WDR64: variants seen among roughly 807,000 people sequenced by gnomAD.
The protein encoded by WDR64 is WD repeat-containing protein 64.
A neutral mutation model predicts 139.3 loss-of-function variants in WDR64; 112 were observed. That is an observed-to-expected ratio of 0.80 (90% CI 0.69 to 0.94). The LOEUF (loss-of-function observed/expected upper bound fraction) is 0.94, where lower values mean the gene tolerates loss of function less well. Among genes scored for constraint, WDR64 ranks in the 40% least tolerant of loss-of-function variants. The probability of loss-of-function intolerance (pLI) is 0.00; values close to 1 mark genes in which losing one functional copy is unlikely to be tolerated. For missense variants in WDR64, 1,206 were observed against 1,293.1 expected (o/e 0.93, Z 1.03); for synonymous variants, 444 against 437.7 (o/e 1.01, Z -0.18).
chr1:241,796,357 T>C lies in WDR64; in HGVS notation c.3179T>C (p.Val1060Ala). The C allele has an allele frequency of 6.2e-7, 1 of 1,612,430 alleles. No individual in the cohort carries two copies. Among genetic ancestry groups the C allele is most frequent in the South Asian group, 1.1e-5 (1 of 90,882 alleles). ...ACAGGAAAGAAGAAGGGAGGTCATG[T>C]TCAACGTGAAAAAGTAAGTTAGTAC... ...GITGKKKGGHVQREKAPRRRS... is the reference protein window; with the variant it reads ...GITGKKKGGHAQREKAPRRRS... Residue 1060 changes from valine to alanine, a missense_variant, in exon 27 of 28, where the codon GTT becomes GCT. Physicochemically the swap from Val to Ala is moderately conservative, Grantham distance 64. Transcript: ENST00000437684.
At chr1:241,723,569 T>C (rs1471379393) in intron 10 of WDR64, 133 bp downstream of exon 10, 1 of 1,039,562 alleles carries the variant, frequency 9.6e-7, no homozygotes, top group Non-Finnish European at 1.3e-6. Flanking sequence ...ATTGTCAGTA[T>C]GGAAAAGGAA....
chr1:241,726,662 G>C (rs1409981314), intron 10 of WDR64, among the ~76,000 whole-genome samples: 1 of 151,994 alleles, frequency 6.6e-6, no homozygotes. Context: ...TAAATGAATA[G>C]TCATATGAAA....
intron 8 of WDR64, among the ~76,000 whole-genome samples, chr1:241,692,953 T>C (rs1667354527): frequency 6.6e-6 from 1 of 152,334 alleles, no homozygotes; most frequent in East Asian, 1.9e-4. Context: ...CTCTCATTCA[T>C]TGCTGATGGG....
chr1:241,742,213 T>A (rs1669573776), intron 12 of WDR64, among the ~76,000 whole-genome samples: 2 of 151,740 alleles, frequency 1.3e-5, no homozygotes, highest in South Asian at 4.1e-4. Context: ...TGAACCCAAG[T>A]TTTTCTGATG....
At chr1:241,676,447 T>C (rs752287065) in intron 4 of WDR64, 4 of 152,242 alleles carry the variant, frequency 2.6e-5, no homozygotes, top group African/African-American at 4.8e-5. Context: ...ACCTTCTTGA[T>C]CTTTTTCTCT....
At chr1:241,721,591 G>T (rs879341297) in intron 9 of WDR64, among the ~76,000 whole-genome samples, 9 of 150,572 alleles carry the variant, frequency 6.0e-5, no homozygotes, top group Admixed American at 5.3e-4. Context: ...CTTAATCTTT[G>T]GGAGTTAGTT....
chr1:241,723,382 C>T lies in WDR64; in HGVS notation c.1140C>T (p.Ala380=), dbSNP rs142859030. 4.3e-6 allele frequency: 7 copies of T among 1,613,854 alleles called. No individual in the cohort carries two copies. Among genetic ancestry groups the T allele is most frequent in the Middle Eastern group, 1.7e-4 (1 of 6,060 alleles). Residue 380 remains alanine (A), a synonymous_variant, in exon 10 of 28, where the codon GCC becomes GCT. Transcript: ENST00000437684. ...TTGTAGGACACATGTTCAGTATCGC[C>T]GAGATCGTAACCAATGAAAAAGATC... ...GKLVGHMFSI[A]EIVTNEKDQH...
chr1:241,789,406 T>C (rs1304248590), intron 24 of WDR64, among the ~76,000 whole-genome samples: 3 of 152,186 alleles, frequency 2.0e-5, no homozygotes, highest in African/African-American at 7.2e-5. Context: ...TAAATCATTC[T>C]ACTAAAAAGA....
chr1:241,660,426 A>G (rs1323447508), intron 1 of WDR64, 104 bp from the exon 2 acceptor site: 20 of 1,385,956 alleles, frequency 1.4e-5, no homozygotes, highest in Non-Finnish European at 1.7e-5. Flanking sequence ...GTTTTTATAG[A>G]TTGAGAAAAG....
At chr1:241,770,754 T>C in intron 18 of WDR64, 64 bp downstream of exon 18, 2 of 1,449,848 alleles carry the variant, frequency 1.4e-6, no homozygotes, top group Non-Finnish European at 1.9e-6. Context: ...AAAATAGTGC[T>C]ATTGAGCACA....
At chr1:241,717,072 G>A (rs1668432833) in intron 9 of WDR64, among the ~76,000 whole-genome samples, 1 of 152,152 alleles carries the variant, frequency 6.6e-6, no homozygotes, top group African/African-American at 2.4e-5. Flanking sequence ...ATGGGTGCAA[G>A]GCTTAGGTTC....
chr1:241,795,703 C>A (rs1160225669), intron 26 of WDR64, among the ~76,000 whole-genome samples: 2 of 152,068 alleles, frequency 1.3e-5, no homozygotes, highest in African/African-American at 4.8e-5. Flanking sequence ...GCCCGTGCTG[C>A]CCCCCTGCCC....
At chr1:241,764,952 G>A (rs1032085671) in intron 15 of WDR64, among the ~76,000 whole-genome samples, 7 of 152,132 alleles carry the variant, frequency 4.6e-5, no homozygotes, top group Non-Finnish European at 7.4e-5. Context: ...TTGGGAGGCT[G>A]AAGTAGGTGG....
rs760138927 is a variant in WDR64, at chr1:241,757,455, C to T, written c.1943C>T (p.Thr648Ile). ...GTTGAGAGGAACTTTTCTCAACCTA[C>T]TGATGTAAGTTTCCTCTCTTGGTTT... ...LIVERNFSQP[T>I]DNPTMDLLRV... The change falls in exon 15 of 28, where the codon ACT becomes ATT. Residue 648 changes from threonine to isoleucine, a missense_variant. By Grantham distance (89) the Thr-to-Ile change is moderately conservative. Transcript: ENST00000437684. 1 of 1,604,974 alleles carries T rather than the reference C, an allele frequency of 6.2e-7. No individual in the cohort carries two copies. Among genetic ancestry groups the T allele is most frequent in the East Asian group, 2.2e-5 (1 of 44,710 alleles).
At chr1:241,716,549 A>T (rs1374712618) in intron 9 of WDR64, among the ~76,000 whole-genome samples, 1 of 152,106 alleles carries the variant, frequency 6.6e-6, no homozygotes, top group Non-Finnish European at 1.5e-5. Flanking sequence ...TAGGCTATTA[A>T]CCTTATAAAG....
intron 3 of WDR64, among the ~76,000 whole-genome samples, chr1:241,673,774 GC>G (rs1176543106): frequency 1.3e-5 from 2 of 151,680 alleles, no homozygotes; most frequent in South Asian, 4.2e-4. Flanking sequence ...TATATATATG[GC>G]TTTATCATTC....
At chr1:241,782,683 T>G (rs1257767025) in intron 22 of WDR64, among the ~76,000 whole-genome samples, 1 of 152,186 alleles carries the variant, frequency 6.6e-6, no homozygotes, top group Non-Finnish European at 1.5e-5. Flanking sequence ...GCCTCATGAT[T>G]TTTTTCTTTT....
chr1:241,768,084 A>AG (rs1194169888), intron 16 of WDR64, among the ~76,000 whole-genome samples: 1 of 152,210 alleles, frequency 6.6e-6, no homozygotes. Flanking sequence ...CAGCCTAAAG[A>AG]GGGGGGCAAC....
At chr1:241,797,881 T>C (rs1207602342) in intron 27 of WDR64, among the ~76,000 whole-genome samples, 1 of 152,194 alleles carries the variant, frequency 6.6e-6, no homozygotes, top group East Asian at 1.9e-4. Flanking sequence ...AATTCATGCA[T>C]TTTATGTCTA....
Sources: allele counts gnomAD v4.1 joint callset (sites outside exome capture counted in the v4.1 genomes callset), GRCh38; gene constraint gnomAD v4.1.1; transcripts MANE v1.5; gene names NCBI Gene and HGNC (gene_info 2026-07-23, HGNC 2026-07-21).